DAGLA: variants seen among roughly 807,000 people sequenced by gnomAD.
The protein encoded by DAGLA is diacylglycerol lipase alpha.
In DAGLA, 22 loss-of-function variants were observed where a neutral mutation model predicts 102.6. That is an observed-to-expected ratio of 0.21 (90% CI 0.15 to 0.31). The LOEUF is 0.31. DAGLA is among the 10% of genes least tolerant of loss of function. The pLI, the probability that DAGLA is intolerant of heterozygous loss-of-function variation, is 1.00. For synonymous variants in DAGLA, 578 were observed against 628.9 expected (o/e 0.92, Z 1.21); for missense variants, 927 against 1,446.6 (o/e 0.64, Z 5.83).
Position 61,744,398 on chromosome 11 carries a change from G to C in DAGLA, c.3038G>C (p.Cys1013Ser), listed in dbSNP as rs1460976403. 13 of 1,610,914 alleles carry C rather than the reference G, an allele frequency of 8.1e-6. No individual in the cohort carries two copies. The highest frequency in any genetic ancestry group is 1.1e-5 in the Non-Finnish European group (13 of 1,178,640). ...LTPTGLSSQE[C>S]LAADKIRTST... ...CCCACGGGCCTCAGTAGCCAGGAATGCCTGGCGGCTGACAAGATCCGGACT... is the reference window on the plus strand; with the variant it reads ...CCCACGGGCCTCAGTAGCCAGGAATCCCTGGCGGCTGACAAGATCCGGACT... The change falls in exon 20 of 20, where the codon TGC (cysteine) becomes TCC (serine). Residue 1013 changes from cysteine (C) to serine (S), a missense_variant. Cys to Ser is a moderately radical substitution (Grantham distance 112). Coordinates refer to ENST00000257215, the MANE Select transcript of DAGLA (RefSeq NM_006133.3).
rs2065274454 is a variant in DAGLA, at chr11:61,720,726, A to G, written c.143A>G (p.His48Arg). The part of the protein sequence containing the change: ...VVLFGLVYNP[H>R]EACSLNLVDH... ...CTCTTCGGCCTGGTCTATAACCCGC[A>G]CGAGGCCTGCTCCCTGAACCTGGTG... The change falls in exon 3 of 20, where the codon CAC becomes CGC. Residue 48 changes from histidine (H) to arginine (R), a missense_variant. His to Arg is a conservative substitution (Grantham distance 29). Around this residue, in one of 4 missense-constraint regions of DAGLA, gnomAD observed 231 missense variants for 439.8 expected, o/e 0.53. Coordinates refer to ENST00000257215, the MANE Select transcript of DAGLA (RefSeq NM_006133.3). 1 of 1,613,846 alleles carries G rather than the reference A, an allele frequency of 6.2e-7. No homozygotes were observed. The highest frequency in any genetic ancestry group is 1.3e-5 in the African/African-American group (1 of 74,912).
intron 1 of DAGLA, among the ~76,000 whole-genome samples, chr11:61,716,741 G>A (rs1456311157): frequency 6.6e-6 from 1 of 152,198 alleles, no homozygotes; most frequent in East Asian, 1.9e-4. Flanking sequence ...TTTAAAGTAG[G>A]GGGCAGCATA....
chr11:61,731,574 T>G (rs1268822264), intron 9 of DAGLA, 133 bp downstream of exon 9: 2 of 1,241,576 alleles, frequency 1.6e-6, no homozygotes, highest in Non-Finnish European at 2.2e-6. Flanking sequence ...GGCCTCAACC[T>G]TTCTAGTTCT....
Position 61,739,536 on chromosome 11 carries a change from C to A in DAGLA, c.1728C>A (p.Thr576=), listed in dbSNP as rs1326284062. ...TGCCTGAGGAGGTAGAGGTGACCACCCTGGCCAGCACGCGGCTCTGGACCC... is the reference window on the plus strand; with the variant it reads ...TGCCTGAGGAGGTAGAGGTGACCACACTGGCCAGCACGCGGCTCTGGACCC... ...SELPEEVEVT[T]LASTRLWTHP... is the part of the protein sequence containing the mutation. The change falls in exon 17 of 20, where the codon ACC becomes ACA. Residue 576 remains threonine (T), a synonymous_variant. Coordinates refer to ENST00000257215, the MANE Select transcript of DAGLA (RefSeq NM_006133.3). The A allele has an allele frequency of 2.5e-6, 4 of 1,614,020 alleles. No individual in the cohort carries two copies. Among genetic ancestry groups the A allele is most frequent in the African/African-American group, 1.3e-5 (1 of 74,924 alleles).
chr11:61,721,089 G>A (rs1364064510), intron 3 of DAGLA, among the ~76,000 whole-genome samples, 199 bp downstream of exon 3: 1 of 152,250 alleles, frequency 6.6e-6, no homozygotes, highest in African/African-American at 2.4e-5. Context: ...CCAGCCTGCT[G>A]TATGTGTTAT....
chr11:61,698,632 T>A (rs971253523), intron 1 of DAGLA, among the ~76,000 whole-genome samples: 2 of 152,048 alleles, frequency 1.3e-5, no homozygotes, highest in Non-Finnish European at 1.5e-5. Flanking sequence ...CATCTCTGAG[T>A]CTCTTTGGCC....
chr11:61,742,242 G>T (rs2065486837), intron 19 of DAGLA, among the ~76,000 whole-genome samples: 1 of 152,182 alleles, frequency 6.6e-6, no homozygotes, highest in African/African-American at 2.4e-5. Context: ...GCTCACAGGG[G>T]CACGCACATG....
rs746311755 is a variant in DAGLA, at chr11:61,686,828, G to C, written c.-45+6324G>C. Among the ~76,000 whole-genome samples the C allele has an allele frequency of 2.2e-4, 33 of 152,208 alleles. No homozygotes were observed. Among genetic ancestry groups the C allele is most frequent in the Non-Finnish European group, 3.7e-4 (25 of 68,016 alleles). ...GTTAATCTATTATTGATGTCCCTTC[G>C]TTTATATAACATATGCTGCACCTCC... On this transcript the variant is annotated intron_variant, in intron 1 of 19. Coordinates refer to ENST00000257215, the MANE Select transcript of DAGLA (RefSeq NM_006133.3). This position sits in a 1 kb window ranked among gnomAD's most constrained non-coding sequence, Gnocchi z 5.2.
chr11:61,725,138 G>C (rs1320180152), intron 5 of DAGLA, among the ~76,000 whole-genome samples: 1 of 152,156 alleles, frequency 6.6e-6, no homozygotes, highest in Non-Finnish European at 1.5e-5. Context: ...TTAAGGGGCC[G>C]CACATGGCAC....
At chr11:61,722,703 G>A (rs1221589540) in intron 3 of DAGLA, among the ~76,000 whole-genome samples, 156 bp from the exon 4 acceptor site, 1 of 152,142 alleles carries the variant, frequency 6.6e-6, no homozygotes, top group African/African-American at 2.4e-5. Flanking sequence ...GGCCTGGGAG[G>A]CGGGGGGTGG....
chr11:61,742,007 AATT>A (rs2065484694), intron 19 of DAGLA, among the ~76,000 whole-genome samples: 1 of 152,196 alleles, frequency 6.6e-6, no homozygotes, highest in Non-Finnish European at 1.5e-5. Flanking sequence ...ATGTGCACAC[AATT>A]ATTAGTTATA....
chr11:61,708,018 A>G (rs2065164026), intron 1 of DAGLA, among the ~76,000 whole-genome samples: 1 of 150,442 alleles, frequency 6.6e-6, no homozygotes, highest in African/African-American at 2.5e-5. Context: ...TATTTATTTT[A>G]TTGTTTTGAG....
At position 61,737,140 on chromosome 11, in the gene DAGLA, C is replaced by T. The variant is rs201155261; in HGVS notation, c.1372-42C>T. 5.3e-5 allele frequency: 86 copies of T among 1,611,400 alleles called. 1 individual carries two copies. Among genetic ancestry groups the T allele is most frequent in the South Asian group, 2.5e-4 (23 of 91,002 alleles). On this transcript the variant is annotated intron_variant, in intron 13 of 19. Transcript: ENST00000257215. ...TGGGTTGGCTAAGACAGTCGCTTGG[C>T]GGGCATTGGGGCAGGGCTCTCAGGC...
At chr11:61,710,292 G>A (rs577024974) in intron 1 of DAGLA, among the ~76,000 whole-genome samples, 1 of 151,878 alleles carries the variant, frequency 6.6e-6, no homozygotes, top group East Asian at 1.9e-4. Flanking sequence ...GGGTGACTCT[G>A]GGGGGAGGAG....
chr11:61,726,016 A>G lies in DAGLA; in HGVS notation c.570A>G (p.Gln190=). 6.2e-7 allele frequency: 1 copy of G among 1,613,678 alleles called. No homozygotes were observed. Among genetic ancestry groups the G allele is most frequent in the Non-Finnish European group, 8.5e-7 (1 of 1,180,036 alleles). The change falls in exon 6 of 20, where the codon CAA becomes CAG. Residue 190 remains glutamine (Q), a synonymous_variant. Transcript: ENST00000257215. ...YNLRHRLEEG[Q]ATSWSRRLKV... The stretch of plus-strand genomic sequence containing the variant: ...GCAGGCACCGCTTAGAGGAGGGTCA[A>G]GCCACCAGCTGGTCGCGCCGGCTCA...
rs946196775 is a variant in DAGLA, at chr11:61,731,253, C to A, written c.850-64C>A. On this transcript the variant is annotated intron_variant, in intron 8 of 19. Transcript: ENST00000257215. Reference sequence around the variant, plus strand: ...CGCAGGCTCCCACCCTGGGGAACTGCTGGGCCCTGAGGCTGTAGGCAGGAA... The same window carrying A: ...CGCAGGCTCCCACCCTGGGGAACTGATGGGCCCTGAGGCTGTAGGCAGGAA... 13 of 1,596,330 alleles carry A rather than the reference C, an allele frequency of 8.1e-6. No homozygotes were observed. The African/African-American group carries it at 1.1e-4, about 13-fold the overall frequency.
intron 6 of DAGLA, among the ~76,000 whole-genome samples, chr11:61,726,521 C>T (rs891148206): frequency 3.9e-5 from 6 of 152,218 alleles, no homozygotes; most frequent in African/African-American, 1.2e-4. Context: ...ACCAGAGGGC[C>T]GGACTTAATG....
In DAGLA at chr11:61,688,915, C is replaced by T. The variant is rs78718016; in HGVS notation, c.-45+8411C>T. On this transcript the variant is annotated intron_variant, in intron 1 of 19. Transcript: ENST00000257215. ...GCTTTCTCATCAGCTTTACTCGGAGCGCATTTCAGTGCTGGGCTGGGGCTG... is the reference window on the plus strand; with the variant it reads ...GCTTTCTCATCAGCTTTACTCGGAGTGCATTTCAGTGCTGGGCTGGGGCTG... Among the ~76,000 whole-genome samples, 482 of 152,350 alleles carry T rather than the reference C, an allele frequency of 3.2e-3. 2 individuals carry two copies. The highest frequency in any genetic ancestry group is 0.011 in the African/African-American group (449 of 41,582).
chr11:61,722,716 G>A, intron 3 of DAGLA, 143 bp from the exon 4 acceptor site: 1 of 664,452 alleles, frequency 1.5e-6, no homozygotes. Flanking sequence ...GGGGGTGGGG[G>A]GTCTGCTAAT....
Sources: gnomAD v4.1 joint callset for allele counts (sites outside exome capture counted in the v4.1 genomes callset) on GRCh38, gnomAD v4.1.1 for gene constraint, gnomAD v4.1.1 regional missense constraint, Gnocchi (gnomAD v3.1) non-coding constraint, MANE v1.5 for transcripts, NCBI Gene and HGNC (gene_info 2026-07-23, HGNC 2026-07-21) for gene names.